The following TMEM132D variants were observed in gnomAD, a reference collection of about 807,000 sequenced individuals.
TMEM132D encodes mature OL transmembrane protein.
Under a neutral mutation model 62.3 loss-of-function variants are expected in TMEM132D, and 21 were observed. That is an observed-to-expected ratio of 0.34 (90% CI 0.24 to 0.49). The LOEUF (loss-of-function observed/expected upper bound fraction) is 0.49, where lower values mean the gene tolerates loss of function less well. Ranked by LOEUF, TMEM132D falls within the 20% of genes least tolerant of loss-of-function variation. The probability of loss-of-function intolerance (pLI) is 0.99; values close to 1 mark genes in which losing one functional copy is unlikely to be tolerated. For missense variants in TMEM132D, 1,346 were observed against 1,402.8 expected (o/e 0.96, Z 0.65); for synonymous variants, 621 against 575.6 (o/e 1.08, Z -1.13).
chr12:129,562,343 C>T (rs1422991285), intron 2 of TMEM132D, among the ~76,000 whole-genome samples: 1 of 152,096 alleles, frequency 6.6e-6, no homozygotes, highest in African/African-American at 2.4e-5. Flanking sequence ...AGTGTTGCTG[C>T]AGACCAAGTT....
rs561004093 is a variant in TMEM132D at position 129,599,154 on chromosome 12, G to A, written c.969-67949C>T. On this transcript the variant is annotated intron_variant, in intron 2 of 8. Coordinates refer to ENST00000422113, the MANE Select transcript of TMEM132D (RefSeq NM_133448.3). ...GAGAAGTAGAAAATAATTTATGGCT[G>A]TGGCTCTGTTTAAATCCTAGAGCCA... Among the ~76,000 whole-genome samples, 7 of 152,284 alleles carry A rather than the reference G, an allele frequency of 4.6e-5. No homozygotes were observed. In the South Asian group the frequency reaches 1.0e-3, roughly 23 times the overall value.
intron 5 of TMEM132D, among the ~76,000 whole-genome samples, chr12:129,173,151 A>G (rs781345736): frequency 2.6e-5 from 4 of 152,232 alleles, no homozygotes; most frequent in Non-Finnish European, 5.9e-5. Flanking sequence ...TGAAGTGGGC[A>G]CAAGCTGTTC....
intron 1 of TMEM132D, among the ~76,000 whole-genome samples, chr12:129,806,920 G>C (rs544324116): frequency 1.3e-5 from 2 of 152,162 alleles, no homozygotes; most frequent in East Asian, 3.9e-4. Context: ...TGTAGTCCCA[G>C]CTACTTGGGA....
chr12:129,558,066 T>C (rs1468122245), intron 2 of TMEM132D, among the ~76,000 whole-genome samples: 1 of 152,196 alleles, frequency 6.6e-6, no homozygotes, highest in East Asian at 1.9e-4. Context: ...GTGGTGTATA[T>C]GCTGAAGTAA....
intron 3 of TMEM132D, among the ~76,000 whole-genome samples, chr12:129,491,369 C>A (rs1386886425): frequency 6.6e-6 from 1 of 152,322 alleles, no homozygotes; most frequent in Middle Eastern, 3.4e-3. Context: ...AAACCATTTT[C>A]TTTTCGTTGT....
intron 2 of TMEM132D, among the ~76,000 whole-genome samples, chr12:129,699,108 G>A (rs924424444): frequency 2.0e-5 from 3 of 152,106 alleles, no homozygotes; most frequent in Non-Finnish European, 4.4e-5. Context: ...ACTATATAAT[G>A]AAAATACAAA....
chr12:129,742,629 T>G (rs1327404425), intron 1 of TMEM132D, among the ~76,000 whole-genome samples: 1 of 152,220 alleles, frequency 6.6e-6, no homozygotes, highest in Admixed American at 6.5e-5. Context: ...AATTAAGTTT[T>G]GCTCCAGGAG....
chr12:129,095,512 C>T lies in TMEM132D; in HGVS notation c.1444-10810G>A, dbSNP rs562298504. Reference sequence around the variant, plus strand: ...AACTACAGGTGAGCATCACCACAACCGGCTAATTTTTGTATTTTTAGTAGA... The same window carrying T: ...AACTACAGGTGAGCATCACCACAACTGGCTAATTTTTGTATTTTTAGTAGA... On this transcript the variant is annotated intron_variant, in intron 5 of 8. Coordinates refer to ENST00000422113, the MANE Select transcript of TMEM132D (RefSeq NM_133448.3). Among the ~76,000 whole-genome samples the T allele has an allele frequency of 1.4e-4, 21 of 152,122 alleles. 1 individual carries two copies. Among genetic ancestry groups the T allele is most frequent in the African/African-American group, 5.1e-4 (21 of 41,508 alleles).
At chr12:129,877,894 T>A (rs528503960) in intron 1 of TMEM132D, among the ~76,000 whole-genome samples, 6 of 152,310 alleles carry the variant, frequency 3.9e-5, no homozygotes, top group African/African-American at 1.4e-4. Context: ...GCACAGAATC[T>A]ATATTATAGA....
intron 2 of TMEM132D, among the ~76,000 whole-genome samples, chr12:129,668,217 A>G (rs571519690): frequency 3.4e-5 from 5 of 147,880 alleles, no homozygotes; most frequent in African/African-American, 7.4e-5. Context: ...TAATGTTGAT[A>G]TAATTTAGTG....
Position 129,251,105 on chromosome 12 carries a change from C to A in TMEM132D, c.1300-41442G>T, listed in dbSNP as rs192208935. On this transcript the variant is annotated intron_variant, in intron 4 of 8. Coordinates refer to ENST00000422113, the MANE Select transcript of TMEM132D (RefSeq NM_133448.3). ...GGGCGCCGTGGCTCACGCCTGTAAT[C>A]CTAGCACTTTGGGAGGCTGAGGTGG... Among the ~76,000 whole-genome samples the A allele has an allele frequency of 8.7e-3, 1,330 of 152,212 alleles. 19 individuals carry two copies. Among genetic ancestry groups the A allele is most frequent in the African/African-American group, 0.031 (1,277 of 41,546 alleles).
At chr12:129,834,228 C>G (rs1169421147) in intron 1 of TMEM132D, among the ~76,000 whole-genome samples, 1 of 152,128 alleles carries the variant, frequency 6.6e-6, no homozygotes, top group Non-Finnish European at 1.5e-5. Flanking sequence ...ATGTGCTATT[C>G]TCCCTCCTCC....
chr12:129,422,697 CAAAG>C (rs1872363835), intron 3 of TMEM132D, among the ~76,000 whole-genome samples: 1 of 151,914 alleles, frequency 6.6e-6, no homozygotes, highest in African/African-American at 2.4e-5. Flanking sequence ...TTTATCTACA[CAAAG>C]AAAATCACCA....
At position 129,678,531 on chromosome 12, in the gene TMEM132D, G is replaced by A. The variant is rs79741682; in HGVS notation, c.968+21279C>T. Among the ~76,000 whole-genome samples, 14 of 152,166 alleles carry A rather than the reference G, an allele frequency of 9.2e-5. No individual in the cohort carries two copies. In the East Asian group the frequency reaches 2.1e-3, roughly 23 times the overall value. ...TTATAGGTTATTTATTTGAACAACAGCCATTCTTCATACATACTGCATTCT... is the reference window on the plus strand; with the variant it reads ...TTATAGGTTATTTATTTGAACAACAACCATTCTTCATACATACTGCATTCT... On this transcript the variant is annotated intron_variant, in intron 2 of 8. Transcript: ENST00000422113.
At chr12:129,900,558 G>A (rs1487113995) in intron 1 of TMEM132D, among the ~76,000 whole-genome samples, 1 of 152,220 alleles carries the variant, frequency 6.6e-6, no homozygotes, top group Non-Finnish European at 1.5e-5. Context: ...TAACTGGGAA[G>A]GATGCACGTG....
chr12:129,090,054 G>A (rs1410743751), intron 5 of TMEM132D, among the ~76,000 whole-genome samples: 1 of 152,204 alleles, frequency 6.6e-6, no homozygotes. Flanking sequence ...TCACCTTCAC[G>A]ATGAGGCAGT....
intron 1 of TMEM132D, among the ~76,000 whole-genome samples, chr12:129,714,019 C>T (rs932017154): frequency 1.1e-4 from 16 of 152,346 alleles, no homozygotes; most frequent in South Asian, 2.1e-4. Context: ...ACAAAGTCCA[C>T]GGGAGGAAGC....
intron 4 of TMEM132D, among the ~76,000 whole-genome samples, chr12:129,218,798 C>G (rs984905263): frequency 6.6e-6 from 1 of 152,154 alleles, no homozygotes; most frequent in Non-Finnish European, 1.5e-5. Context: ...CCCCCCAAAA[C>G]AGGCCTAAGA....
At chr12:129,614,624 C>A (rs1593089531) in intron 2 of TMEM132D, among the ~76,000 whole-genome samples, 1 of 152,268 alleles carries the variant, frequency 6.6e-6, no homozygotes, top group African/African-American at 2.4e-5. Context: ...AAATCTGATC[C>A]ACTAGTTACA....
Sources: allele counts gnomAD v4.1 joint callset (sites outside exome capture counted in the v4.1 genomes callset), GRCh38; gene constraint gnomAD v4.1.1; transcripts MANE v1.5; gene names NCBI Gene and HGNC (gene_info 2026-07-23, HGNC 2026-07-21).